NIM1K: variants seen among roughly 807,000 people sequenced by gnomAD.
NIM1K encodes the protein serine/threonine-protein kinase NIM1.
NIM1K carries 35 observed loss-of-function variants against 37.1 expected under a neutral mutation model. The observed-to-expected ratio is 0.94, with a 90% confidence interval of 0.72 to 1.25. The LOEUF (loss-of-function observed/expected upper bound fraction) is 1.25. Ranked by LOEUF, NIM1K falls within the 50% of genes most tolerant of loss-of-function variation. The probability of loss-of-function intolerance (pLI) is 0.00; values close to 1 mark genes in which losing one functional copy is unlikely to be tolerated. For synonymous variants in NIM1K, 234 were observed against 206.6 expected, an observed-to-expected ratio of 1.13 and a Z score of -1.14; for missense variants, 564 against 548.0, an observed-to-expected ratio of 1.03 and a Z score of -0.29.
At chr5:43,275,236 C>A (rs1753320925) in intron 2 of NIM1K, among the ~76,000 whole-genome samples, 1 of 152,156 alleles carries the variant, frequency 6.6e-6, no homozygotes, top group African/African-American at 2.4e-5. Flanking sequence ...TAGTGGACAT[C>A]TTTTCATATT....
intron 1 of NIM1K, among the ~76,000 whole-genome samples, chr5:43,219,208 C>T (rs1659017970): frequency 6.6e-6 from 1 of 152,104 alleles, no homozygotes; most frequent in Admixed American, 6.6e-5. Flanking sequence ...AAACCTCTTT[C>T]CTTTATAAAT....
intron 2 of NIM1K, among the ~76,000 whole-genome samples, chr5:43,265,962 T>C (rs926359871): frequency 6.6e-6 from 1 of 152,220 alleles, no homozygotes; most frequent in Non-Finnish European, 1.5e-5. Flanking sequence ...TAGCAAATGT[T>C]GCTGCCTGAT....
At chr5:43,252,598 A>C (rs1752881435) in intron 2 of NIM1K, among the ~76,000 whole-genome samples, 1 of 151,710 alleles carries the variant, frequency 6.6e-6, no homozygotes, top group African/African-American at 2.4e-5. Flanking sequence ...ATAAAGAAAT[A>C]CAAAGCACCA....
intron 1 of NIM1K, among the ~76,000 whole-genome samples, chr5:43,227,083 G>A (rs939706594): frequency 1.2e-4 from 18 of 152,182 alleles, no homozygotes; most frequent in Non-Finnish European, 2.4e-4. Flanking sequence ...TTGGTTCACC[G>A]GGCGCAGTGG....
At chr5:43,192,826 G>A (rs372542770) in intron 1 of NIM1K, 1 of 152,354 alleles carries the variant, frequency 6.6e-6, no homozygotes, top group Non-Finnish European at 1.5e-5. Flanking sequence ...AGCGCCTAGC[G>A]TTGCGCACAG....
intron 1 of NIM1K, among the ~76,000 whole-genome samples, chr5:43,214,365 G>T (rs909404834): frequency 1.3e-5 from 2 of 152,138 alleles, no homozygotes; most frequent in Non-Finnish European, 2.9e-5. Context: ...GAAAGAACTT[G>T]AATTCCCCAC....
intron 1 of NIM1K, among the ~76,000 whole-genome samples, chr5:43,223,524 C>T (rs1336606331): frequency 3.3e-5 from 5 of 152,214 alleles, no homozygotes; most frequent in Non-Finnish European, 7.3e-5. Context: ...TTCCACATTG[C>T]CTTACTACCT....
chr5:43,247,170 C>G (rs1180929974), intron 2 of NIM1K, among the ~76,000 whole-genome samples: 1 of 152,172 alleles, frequency 6.6e-6, no homozygotes, highest in African/African-American at 2.4e-5. Flanking sequence ...CTGACCCACA[C>G]ACTCCCAAGT....
intron 2 of NIM1K, among the ~76,000 whole-genome samples, chr5:43,266,649 A>G (rs1026716468): frequency 6.6e-6 from 1 of 152,180 alleles, no homozygotes; most frequent in Non-Finnish European, 1.5e-5. Context: ...AGTGCGATGA[A>G]CGCGGTACCT....
Position 43,280,460 on chromosome 5 carries a change from A to G in NIM1K, c.1042A>G (p.Ser348Gly), listed in dbSNP as rs143527386. The change falls in exon 4 of 4, where the codon AGC becomes GGC. Residue 348 changes from serine (S) to glycine (G), a missense_variant. Ser to Gly is a moderately conservative substitution (Grantham distance 56, BLOSUM62 0). Coordinates refer to ENST00000326035, the MANE Select transcript of NIM1K (RefSeq NM_153361.4). ...QLDPKHLSETSTLKEEENEVK... is the reference protein window; with the variant it reads ...QLDPKHLSETGTLKEEENEVK... ...GGATCCCAAACATTTGTCGGAAACC[A>G]GCACTCTCAAGGAAGAAGAAAATGA... 2.5e-6 allele frequency: 4 copies of G among 1,614,112 alleles called. No individual in the cohort carries two copies. In the African/African-American group the frequency reaches 5.3e-5, roughly 22 times the overall value.
intron 2 of NIM1K, among the ~76,000 whole-genome samples, chr5:43,259,209 C>T (rs1371681791): frequency 6.6e-6 from 1 of 152,166 alleles, no homozygotes; most frequent in Non-Finnish European, 1.5e-5. Context: ...ATTGTGCTGC[C>T]ATAAACATGC....
rs1443029912 is a variant in NIM1K, at chr5:43,237,156, G to C, written c.-694-7926G>C. Among the ~76,000 whole-genome samples the C allele has an allele frequency of 2.0e-5, 3 of 152,244 alleles. No individual in the cohort carries two copies. The East Asian group carries it at 5.8e-4, about 29-fold the overall frequency. On this transcript the variant is annotated intron_variant, in intron 1 of 3. Transcript: ENST00000326035. ...TTTCTTTTAAGGAAACCAATGCCTGGCCTTGCCAACCAATGAAAAGGTTGC... is the reference window on the plus strand; with the variant it reads ...TTTCTTTTAAGGAAACCAATGCCTGCCCTTGCCAACCAATGAAAAGGTTGC...
At chr5:43,213,172 TC>T (rs1752230128) in intron 1 of NIM1K, among the ~76,000 whole-genome samples, 2 of 64,876 alleles carry the variant, frequency 3.1e-5, no homozygotes, top group African/African-American at 6.2e-5. Context: ...TTTTTTTCTT[TC>T]TTTCTTTCTT....
intron 1 of NIM1K, among the ~76,000 whole-genome samples, chr5:43,244,695 T>C: frequency 6.6e-6 from 1 of 152,198 alleles, no homozygotes; most frequent in South Asian, 2.1e-4. Context: ...GGAGATAAAA[T>C]ATTATTATTT....
At chr5:43,198,207 C>CTCTCTCTT (rs1751957390) in intron 1 of NIM1K, among the ~76,000 whole-genome samples, 3 of 48,872 alleles carry the variant, frequency 6.1e-5, no homozygotes, top group Admixed American at 2.3e-4. Flanking sequence ...TTCTTTCTTT[C>CTCTCTCTT]TCTTTCTTTC....
intron 1 of NIM1K, among the ~76,000 whole-genome samples, chr5:43,208,986 T>C (rs1256540406): frequency 6.6e-6 from 1 of 152,198 alleles, no homozygotes; most frequent in East Asian, 1.9e-4. Context: ...TTTCCAGAAC[T>C]ACTTGGAGAA....
At chr5:43,238,409 T>C (rs1752652062) in intron 1 of NIM1K, among the ~76,000 whole-genome samples, 2 of 151,998 alleles carry the variant, frequency 1.3e-5, no homozygotes, top group South Asian at 2.1e-4. Context: ...ATTTTTTTTT[T>C]GTTTTTAGCA....
At chr5:43,199,722 C>T (rs1042196428) in intron 1 of NIM1K, among the ~76,000 whole-genome samples, 2 of 147,110 alleles carry the variant, frequency 1.4e-5, no homozygotes, top group Non-Finnish European at 3.0e-5. Flanking sequence ...TCGCCAGCTA[C>T]TATAACAGAA....
At chr5:43,252,607 C>CA (rs1752881738) in intron 2 of NIM1K, among the ~76,000 whole-genome samples, 2 of 151,530 alleles carry the variant, frequency 1.3e-5, no homozygotes, top group Non-Finnish European at 2.9e-5. Flanking sequence ...TACAAAGCAC[C>CA]AAGTGCTCTG....
Sources: gnomAD v4.1 joint callset for allele counts (sites outside exome capture counted in the v4.1 genomes callset) on GRCh38, gnomAD v4.1.1 for gene constraint, MANE v1.5 for transcripts, NCBI Gene and HGNC (gene_info 2026-07-23, HGNC 2026-07-21) for gene names.